RNF111: variants seen among roughly 807,000 people sequenced by gnomAD.
RNF111 encodes ring finger protein 111, also known as E3 ubiquitin-protein ligase Arkadia.
Under a neutral mutation model 95.1 loss-of-function variants are expected in RNF111, and 17 were observed. The observed-to-expected ratio is 0.18, with a 90% confidence interval of 0.12 to 0.27. The LOEUF (loss-of-function observed/expected upper bound fraction) is 0.27. Ranked by LOEUF, RNF111 falls within the 10% of genes least tolerant of loss-of-function variation. The pLI, the probability that RNF111 is intolerant of heterozygous loss-of-function variation, is 1.00. For missense variants in RNF111, 1,189 were observed against 1,210.4 expected, an observed-to-expected ratio of 0.98 and a Z score of 0.26; for synonymous variants, 440 against 414.8, an observed-to-expected ratio of 1.06 and a Z score of -0.74.
In RNF111 at chr15:59,075,942, C is replaced by T. The variant is rs746722498; in HGVS notation, c.1687-12C>T. 15 of 1,611,748 alleles carry T rather than the reference C, an allele frequency of 9.3e-6. No individual in the cohort carries two copies. In the African/African-American group the frequency reaches 1.7e-4, roughly 19 times the overall value. ...ACTTTAGAAAGATAAAATATACTTC[C>T]TTTTTATCTAGCAGGCATTGCCAGT... On this transcript the variant is annotated splice_polypyrimidine_tract_variant and intron_variant, in intron 6 of 13. Coordinates refer to ENST00000348370, the MANE Select transcript of RNF111 (RefSeq NM_017610.8).
At chr15:59,021,166 T>C (rs2040322120) in intron 1 of RNF111, among the ~76,000 whole-genome samples, 1 of 152,174 alleles carries the variant, frequency 6.6e-6, no homozygotes, top group Middle Eastern at 3.2e-3. Flanking sequence ...TTTTTGTTTG[T>C]TTGAGATGAA....
At chr15:59,014,551 T>C (rs952188976) in intron 1 of RNF111, among the ~76,000 whole-genome samples, 4 of 152,242 alleles carry the variant, frequency 2.6e-5, no homozygotes, top group Non-Finnish European at 4.4e-5. Context: ...AGCATTTTTC[T>C]GTTCTTAAGA....
intron 6 of RNF111, among the ~76,000 whole-genome samples, chr15:59,074,115 C>G (rs1015337128): frequency 6.6e-6 from 1 of 152,200 alleles, no homozygotes; most frequent in East Asian, 1.9e-4. Flanking sequence ...CAGTAAACCA[C>G]GTAAATAGCT....
At chr15:59,079,082 G>T (rs563071190) in intron 7 of RNF111, among the ~76,000 whole-genome samples, 9 of 152,060 alleles carry the variant, frequency 5.9e-5, no homozygotes, top group Non-Finnish European at 1.2e-4. Flanking sequence ...AGGGTTTTTG[G>T]GAATGTGGAA....
chr15:59,093,394 C>G, intron 13 of RNF111: 1 of 429,566 alleles, frequency 2.3e-6, no homozygotes, highest in East Asian at 7.6e-5. Flanking sequence ...TTCTGTTGCC[C>G]AGGCTCAGGG....
intron 2 of RNF111, among the ~76,000 whole-genome samples, chr15:59,047,055 T>C (rs1260521747): frequency 6.6e-6 from 1 of 151,768 alleles, no homozygotes; most frequent in East Asian, 1.9e-4. Flanking sequence ...ACTCCTAGGC[T>C]CAAGCAATCC....
intron 8 of RNF111, among the ~76,000 whole-genome samples, chr15:59,082,317 G>C (rs760735039): frequency 6.6e-6 from 1 of 152,144 alleles, no homozygotes; most frequent in Non-Finnish European, 1.5e-5. Context: ...TCTTTTGTCT[G>C]TGTGTTTCTG....
chr15:59,054,089 C>T (rs1397150765), intron 3 of RNF111, among the ~76,000 whole-genome samples: 1 of 152,100 alleles, frequency 6.6e-6, no homozygotes, highest in African/African-American at 2.4e-5. Context: ...GCATGAGCCA[C>T]CACACCTGGC....
At chr15:59,015,888 C>A (rs2040041475) in intron 1 of RNF111, among the ~76,000 whole-genome samples, 1 of 152,026 alleles carries the variant, frequency 6.6e-6, no homozygotes, top group Non-Finnish European at 1.5e-5. Context: ...GACAGGTTCT[C>A]ACGCCCAGGT....
chr15:58,988,121 C>T (rs1310899954), intron 1 of RNF111, 53 bp downstream of exon 1: 2 of 94,502 alleles, frequency 2.1e-5, no homozygotes, highest in South Asian at 3.2e-4. Context: ...GTGCGCGCAA[C>T]GGGGGAGGGG....
At chr15:59,057,698 G>A (rs2042254516) in intron 4 of RNF111, among the ~76,000 whole-genome samples, 1 of 151,960 alleles carries the variant, frequency 6.6e-6, no homozygotes, top group African/African-American at 2.4e-5. Flanking sequence ...AATTTTCTTT[G>A]GAAAACATAT....
At chr15:59,011,876 A>G (rs1198162306) in intron 1 of RNF111, among the ~76,000 whole-genome samples, 4 of 152,056 alleles carry the variant, frequency 2.6e-5, no homozygotes, top group South Asian at 4.1e-4. Flanking sequence ...CACTTGGCAT[A>G]TGTTCCAACT....
chr15:59,018,672 A>G (rs1360373061), intron 1 of RNF111, among the ~76,000 whole-genome samples: 4 of 152,182 alleles, frequency 2.6e-5, no homozygotes, highest in African/African-American at 7.2e-5. Flanking sequence ...ACAAATGCAT[A>G]TATTAATATA....
chr15:59,033,255 C>G (rs2041006719), intron 2 of RNF111, among the ~76,000 whole-genome samples: 1 of 152,166 alleles, frequency 6.6e-6, no homozygotes, highest in African/African-American at 2.4e-5. Context: ...TTCTTCTCTT[C>G]TTCTTCTTTA....
At chr15:59,089,830 A>G (rs530197648) in intron 11 of RNF111, 71 bp downstream of exon 11, 21 of 1,043,288 alleles carry the variant, frequency 2.0e-5, no homozygotes, top group South Asian at 1.3e-4. Flanking sequence ...ATATACTACT[A>G]TACACAATTG....
At chr15:59,037,294 T>C (rs1202189679) in intron 2 of RNF111, among the ~76,000 whole-genome samples, 1 of 152,226 alleles carries the variant, frequency 6.6e-6, no homozygotes, top group African/African-American at 2.4e-5. Flanking sequence ...CATTTAGTTT[T>C]TCCCAGTTGC....
intron 1 of RNF111, among the ~76,000 whole-genome samples, chr15:58,993,969 A>G (rs1262600504): frequency 6.6e-6 from 1 of 151,506 alleles, no homozygotes; most frequent in Non-Finnish European, 1.5e-5. Context: ...CATATGTACT[A>G]TAGGGCACTC....
chr15:59,066,843 C>G lies in RNF111; in HGVS notation c.1446C>G (p.Pro482=), dbSNP rs1357690667. 2 of 1,614,062 alleles carry G rather than the reference C, an allele frequency of 1.2e-6. No homozygotes were observed. Among genetic ancestry groups the G allele is most frequent in the East Asian group, 2.2e-5 (1 of 44,868 alleles). Residue 482 remains proline (P), a synonymous_variant, in exon 6 of 14, where the codon CCC becomes CCG. Coordinates refer to ENST00000348370, the MANE Select transcript of RNF111 (RefSeq NM_017610.8). The stretch of plus-strand genomic sequence containing the variant: ...TGCCAAGGTTACCTTCCTGCTGTCC[C>G]CAGCACTCACCATGTGGAGGGTCGT... The part of the protein sequence containing the change: ...PAMPRLPSCC[P]QHSPCGGSSQ...
At chr15:59,072,557 C>T (rs1238378770) in intron 6 of RNF111, among the ~76,000 whole-genome samples, 2 of 148,986 alleles carry the variant, frequency 1.3e-5, no homozygotes, top group Non-Finnish European at 3.0e-5. Context: ...AGGTTCATGC[C>T]ATTCTGCCTC....
Sources: gnomAD v4.1 joint callset for allele counts (sites outside exome capture counted in the v4.1 genomes callset) on GRCh38, gnomAD v4.1.1 for gene constraint, MANE v1.5 for transcripts, NCBI Gene and HGNC (gene_info 2026-07-23, HGNC 2026-07-21) for gene names.